Variants in NIT1 observed in about 807,000 individuals in gnomAD.
NIT1 encodes deaminated glutathione amidase.
Under a neutral mutation model 36.8 loss-of-function variants are expected in NIT1, and 30 were observed. The observed-to-expected ratio is 0.82, with a 90% CI of 0.61 to 1.11. The LOEUF is 1.11. Among genes scored for constraint, NIT1 ranks in the 50% least tolerant of loss-of-function variants. The pLI is 0.00. For missense variants in NIT1, 438 were observed against 410.6 expected, an observed-to-expected ratio of 1.07 and a Z score of -0.58; for synonymous variants, 151 against 155.6, an observed-to-expected ratio of 0.97 and a Z score of 0.22.
chr1:161,118,144 T>G lies in NIT1; in HGVS notation c.-33T>G, dbSNP rs757433697. On this transcript the variant is annotated 5_prime_UTR_variant, in exon 1 of 7. Coordinates refer to ENST00000368009, the MANE Select transcript of NIT1 (RefSeq NM_005600.3). Reference sequence around the variant, plus strand: ...TTCTGGCTCCAGACCGCCCTCCGGATCGGACCCTGCGAATGGTTTTGGCTA... The same window carrying G: ...TTCTGGCTCCAGACCGCCCTCCGGAGCGGACCCTGCGAATGGTTTTGGCTA... 6.2e-7 allele frequency: 1 copy of G among 1,614,000 alleles called. No individual in the cohort carries two copies. Among genetic ancestry groups the G allele is most frequent in the Non-Finnish European group, 8.5e-7 (1 of 1,179,922 alleles).
At position 161,119,570 on chromosome 1, in the gene NIT1, A is replaced by G. The variant is rs759711881; in HGVS notation, c.415A>G (p.Thr139Ala). The G allele has an allele frequency of 6.2e-6, 10 of 1,614,124 alleles. No individual in the cohort carries two copies. The South Asian group carries it at 1.1e-4, about 18-fold the overall frequency. Residue 139 changes from threonine (T) to alanine (A), a missense_variant, in exon 4 of 7, where the codon ACT (threonine) becomes GCT (alanine). Transcript: ENST00000368009. ...FHERGQDWEQ[T>A]QKIYNCHVLL... ...TGAGCGTGGCCAAGACTGGGAGCAG[A>G]CTCAGAAAATCTACAATTGTCACGT...
downstream of NIT1, chr1:161,125,209 A>G (rs534578504): frequency 3.9e-5 from 6 of 152,336 alleles, no homozygotes; most frequent in South Asian, 6.2e-4. Flanking sequence ...AACAGGGATG[A>G]ATGAATATAC....
At chr1:161,118,701 C>T in intron 1 of NIT1, 85 bp from the exon 2 acceptor site, 2 of 1,467,712 alleles carry the variant, frequency 1.4e-6, no homozygotes, top group Middle Eastern at 1.7e-4. Context: ...GATTCAGGCT[C>T]ACAGTATAAA....
chr1:161,124,175 G>A (rs1557979413), downstream of NIT1: 1 of 1,614,130 alleles, frequency 6.2e-7, no homozygotes, highest in East Asian at 2.2e-5. Flanking sequence ...AGGGCAGCAG[G>A]TCGTGGCGAG....
downstream of NIT1, chr1:161,121,929 G>T: frequency 1.7e-6 from 1 of 573,196 alleles, no homozygotes. Context: ...ACACATTACG[G>T]GGTAAATGGA....
downstream of NIT1, chr1:161,122,887 G>C (rs1221204494): frequency 2.8e-6 from 3 of 1,082,350 alleles, no homozygotes; most frequent in African/African-American, 3.1e-5. The surrounding 1 kb of genome is among the most constrained non-coding windows in gnomAD (Gnocchi z 4.2). Context: ...ACTAACAAGA[G>C]TTGAAATGTA....
downstream of NIT1, chr1:161,121,271 C>T (rs181046124): frequency 1.8e-5 from 14 of 769,708 alleles, no homozygotes; most frequent in Admixed American, 5.9e-5. Flanking sequence ...AAAGGAATTA[C>T]TTCACTTACA....
In NIT1 at chr1:161,118,860, C is replaced by T. The variant is rs763672402; in HGVS notation, c.77C>T (p.Ser26Leu). 1.1e-5 allele frequency: 17 copies of T among 1,613,834 alleles called. No homozygotes were observed. The highest frequency in any genetic ancestry group is 1.4e-5 in the Non-Finnish European group (17 of 1,179,740). ...CCTGGACTCCGGATACCTCAACTCT[C>T]AGTACTTTGTGCTCAGCCCAGGTAA... ...LCPGLRIPQL[S>L]VLCAQPRPRA... Residue 26 changes from serine to leucine, a missense_variant, in exon 2 of 7, where the codon TCA becomes TTA. Coordinates refer to ENST00000368009, the MANE Select transcript of NIT1 (RefSeq NM_005600.3).
In NIT1 at chr1:161,120,603, G is replaced by A. The variant is rs762609568; in HGVS notation, c.822G>A (p.Val274=). 3 of 1,614,188 alleles carry A rather than the reference G, an allele frequency of 1.9e-6. No homozygotes were observed. Among genetic ancestry groups the A allele is most frequent in the Non-Finnish European group, 1.7e-6 (2 of 1,180,046 alleles). ...GAGCAAGTTATGGCCACAGCATGGT[G>A]GTAGACCCCTGGGGAACAGTGGTGG... ...EKRASYGHSM[V]VDPWGTVVAR... The change falls in exon 7 of 7, where the codon GTG becomes GTA. Residue 274 remains valine (V), a synonymous_variant. Coordinates refer to ENST00000368009, the MANE Select transcript of NIT1 (RefSeq NM_005600.3).
In NIT1 at chr1:161,118,388, C is replaced by A. The variant is rs549603731; in HGVS notation, c.2+210C>A. 5 of 1,528,810 alleles carry A rather than the reference C, an allele frequency of 3.3e-6. No homozygotes were observed. In the African/African-American group the frequency reaches 4.1e-5, roughly 13 times the overall value. 94.7% of individuals were successfully genotyped at this position (1,528,810 alleles called of 1,614,324 possible). On this transcript the variant is annotated intron_variant, in intron 1 of 6. Transcript: ENST00000368009. ...GGGGTGGGAGACGAGAGAGGGTGAA[C>A]TTTCCCCTGCGAGATTCTGGTGAAA...
chr1:161,119,980 G>A, intron 5 of NIT1, 28 bp downstream of exon 5: 4 of 1,603,446 alleles, frequency 2.5e-6, no homozygotes, highest in Non-Finnish European at 3.4e-6. Context: ...ATGAGGGAGG[G>A]GAACAGGAAT....
chr1:161,121,886 G>A (rs1655531601), downstream of NIT1: 1 of 441,944 alleles, frequency 2.3e-6, no homozygotes, highest in Non-Finnish European at 4.1e-6. Flanking sequence ...CTATACATTT[G>A]TCTTACGGCT....
chr1:161,118,714 G>GAGAA, intron 1 of NIT1, 72 bp from the exon 2 acceptor site: 1 of 1,469,602 alleles, frequency 6.8e-7, no homozygotes. Flanking sequence ...AGTATAAAGA[G>GAGAA]AGAAGTCAGA....
rs765864873 is a variant in NIT1, at chr1:161,119,317, C to T, written c.282C>T (p.Asp94=). The T allele has an allele frequency of 6.2e-7, 1 of 1,614,180 alleles. No homozygotes were observed. Among genetic ancestry groups the T allele is most frequent in the South Asian group, 1.1e-5 (1 of 91,088 alleles). The change falls in exon 3 of 7, where the codon GAC becomes GAT. Residue 94 remains aspartate, a synonymous_variant. Transcript: ENST00000368009. ...AGGCATTTGACTTCATTGCACGGGACCCTGCAGAGACGCTACACCTGTCTG... is the reference window on the plus strand; with the variant it reads ...AGGCATTTGACTTCATTGCACGGGATCCTGCAGAGACGCTACACCTGTCTG... ...LPEAFDFIAR[D]PAETLHLSEP...
chr1:161,122,024 TA>T (rs34197267), downstream of NIT1: 154,889 of 1,041,084 alleles, frequency 0.15, 1 homozygote, highest in South Asian at 0.17. This position sits in a 1 kb window ranked among gnomAD's most constrained non-coding sequence, Gnocchi z 4.2. Context: ...TCTTTTTCTT[TA>T]AAAAAAAAAA....
chr1:161,121,173 C>T lies in NIT1; in HGVS notation c.*408C>T. 9.5e-7 allele frequency: 1 copy of T among 1,047,556 alleles called. No individual in the cohort carries two copies. Among genetic ancestry groups the T allele is most frequent in the South Asian group, 3.2e-5 (1 of 31,500 alleles). The allele number at this position is 1,047,556 out of a possible 1,614,324, so 64.9% of individuals were successfully genotyped here. ...TGGCTCATTCAACATGCCTCCCTAC[C>T]TAAATAAAAGTGCAACACTCAGTGC... On this transcript the variant is annotated 3_prime_UTR_variant, in exon 7 of 7. Coordinates refer to ENST00000368009, the MANE Select transcript of NIT1 (RefSeq NM_005600.3).
chr1:161,124,657 GTGTT>G, downstream of NIT1: 1 of 1,239,490 alleles, frequency 8.1e-7, no homozygotes, highest in Admixed American at 3.2e-5. Flanking sequence ...AATTTTTGAA[GTGTT>G]TGTTTAAAAA....
chr1:161,119,135 C>T lies in NIT1; in HGVS notation c.100C>T (p.Pro34Ser). 2 of 1,613,472 alleles carry T rather than the reference C, an allele frequency of 1.2e-6. No individual in the cohort carries two copies. The highest frequency in any genetic ancestry group is 1.7e-6 in the Non-Finnish European group (2 of 1,179,964). The part of the protein sequence containing the change: ...QLSVLCAQPR[P>S]RAMAISSSSC... ...GAATCCTGCCTATGCTGTTCACAGG[C>T]CCAGAGCCATGGCTATCTCCTCTTC... is the stretch of plus-strand genomic sequence containing the variant. The change falls in exon 3 of 7, where the codon CCC becomes TCC. Residue 34 changes from proline (P) to serine (S), a missense_variant and splice_region_variant. By Grantham distance (74) the Pro-to-Ser change is moderately conservative. Transcript: ENST00000368009.
At chr1:161,124,279 G>C, downstream of NIT1, 3 of 1,614,206 alleles carry the variant, frequency 1.9e-6, no homozygotes, top group Non-Finnish European at 2.5e-6. Context: ...CGTCCATTTC[G>C]GATGAGTCCA....
Sources: allele counts gnomAD v4.1 joint callset, GRCh38; gene constraint gnomAD v4.1.1; non-coding constraint Gnocchi (gnomAD v3.1); transcripts MANE v1.5; gene names NCBI Gene and HGNC (gene_info 2026-07-23, HGNC 2026-07-21).